The following SAMD3 variants were observed in gnomAD, a reference collection of about 807,000 sequenced individuals.
The protein encoded by SAMD3 is sterile alpha motif domain containing 3, also known as sterile alpha motif domain-containing protein 3.
Under a neutral mutation model 58.5 loss-of-function variants are expected in SAMD3, and 63 were observed. The ratio of observed to expected loss-of-function variants is 1.08; its 90% CI spans 0.88 to 1.33. The LOEUF (loss-of-function observed/expected upper bound fraction) is 1.33, where lower values mean the gene tolerates loss of function less well. SAMD3 is among the 40% of genes most tolerant of loss of function. SAMD3 has a pLI of 0.00. For synonymous variants in SAMD3, 220 were observed against 210.3 expected (o/e 1.05, Z -0.40); for missense variants, 604 against 608.4 (o/e 0.99, Z 0.08).
intron 1 of SAMD3, among the ~76,000 whole-genome samples, chr6:130,345,311 C>T (rs750702580): frequency 7.9e-5 from 12 of 152,130 alleles, no homozygotes; most frequent in Admixed American, 5.9e-4. Flanking sequence ...AGGCAAGCCT[C>T]AGAAACTCAC....
intron 2 of SAMD3, among the ~76,000 whole-genome samples, chr6:130,247,638 C>T (rs2114904404): frequency 6.6e-6 from 1 of 152,206 alleles, no homozygotes; most frequent in Non-Finnish European, 1.5e-5. Flanking sequence ...GCTCAGTGAA[C>T]TACCAAAATT....
chr6:130,257,040 A>G (rs1999683), intron 2 of SAMD3, among the ~76,000 whole-genome samples: 74,669 of 152,042 alleles, frequency 0.49, 22,245 homozygotes, highest in African/African-American at 0.84. Flanking sequence ...AACCCCCAAT[A>G]TGACTATGTC....
chr6:130,213,782 C>A (rs1795781748), intron 4 of SAMD3, among the ~76,000 whole-genome samples: 1 of 152,140 alleles, frequency 6.6e-6, no homozygotes, highest in South Asian at 2.1e-4. Context: ...AATGTTTCTA[C>A]ATAATTTTTT....
intron 2 of SAMD3, among the ~76,000 whole-genome samples, chr6:130,271,597 A>T (rs1774565320): frequency 6.6e-6 from 1 of 152,134 alleles, no homozygotes; most frequent in African/African-American, 2.4e-5. Flanking sequence ...ATGGTTTCAC[A>T]GTTTTTGTTA....
At chr6:130,221,441 TA>T (rs1279075414) in intron 1 of SAMD3, 2 of 152,464 alleles carry the variant, frequency 1.3e-5, no homozygotes, top group Non-Finnish European at 2.9e-5. Flanking sequence ...AATTTGCAAG[TA>T]ACTTTTGACT....
upstream of SAMD3, among the ~76,000 whole-genome samples, chr6:130,227,049 C>T (rs1796399800): frequency 6.6e-6 from 1 of 152,172 alleles, no homozygotes; most frequent in Non-Finnish European, 1.5e-5. Flanking sequence ...GTGCAACCAT[C>T]ACTATTATCC....
At chr6:130,318,156 C>T (rs1197846118) in intron 1 of SAMD3, among the ~76,000 whole-genome samples, 2 of 152,142 alleles carry the variant, frequency 1.3e-5, no homozygotes, top group African/African-American at 4.8e-5. Flanking sequence ...TTCTTCCCAC[C>T]AGCCAGAATG....
intron 1 of SAMD3, among the ~76,000 whole-genome samples, chr6:130,338,416 C>A (rs528690694): frequency 6.6e-6 from 1 of 152,370 alleles, no homozygotes; most frequent in African/African-American, 2.4e-5. Context: ...GTAGCCCCCA[C>A]ACAGAATCCC....
intron 1 of SAMD3, among the ~76,000 whole-genome samples, chr6:130,336,946 A>G (rs1281081804): frequency 2.0e-5 from 3 of 152,204 alleles, no homozygotes; most frequent in African/African-American, 7.2e-5. Flanking sequence ...TCAAGCCTTA[A>G]CTAGATCTTT....
intron 1 of SAMD3, among the ~76,000 whole-genome samples, chr6:130,339,663 T>C (rs1312800775): frequency 2.0e-5 from 3 of 152,362 alleles, no homozygotes; most frequent in Non-Finnish European, 4.4e-5. Flanking sequence ...GGCAGTTTTT[T>C]ATACCAGTAT....
downstream of SAMD3, chr6:130,144,258 T>C (rs929091623): frequency 3.1e-5 from 14 of 446,448 alleles, no homozygotes; most frequent in Non-Finnish European, 5.1e-5. Context: ...CTGAGGCACC[T>C]CTGAAAATAT....
intron 1 of SAMD3, among the ~76,000 whole-genome samples, chr6:130,333,470 A>G (rs1456480390): frequency 2.0e-5 from 3 of 152,198 alleles, no homozygotes; most frequent in Admixed American, 6.5e-5. Flanking sequence ...CTAGTGGTTC[A>G]GCACATCATA....
rs57003467 is a variant in SAMD3, at chr6:130,346,457, C to A, written c.-304+18663G>T. On this transcript the variant is annotated intron_variant, in intron 1 of 13. Coordinates refer to the SAMD3 transcript ENST00000368134. ...CCTGGCTTGGAGGGTCCTATGCCCA[C>A]GGAGCCTCGCTCATTGCTAGCACAC... is the stretch of plus-strand genomic sequence containing the variant. Among the ~76,000 whole-genome samples the A allele has an allele frequency of 4.1e-3, 621 of 152,330 alleles. 5 individuals carry two copies. Among genetic ancestry groups the A allele is most frequent in the African/African-American group, 0.014 (577 of 41,558 alleles).
At chr6:130,365,587 G>T (rs1583162112), upstream of SAMD3, 5 of 985,310 alleles carry the variant, frequency 5.1e-6, no homozygotes, top group East Asian at 4.5e-4. Context: ...CTCCCCAGCC[G>T]CTCCGGAGAA....
intron 2 of SAMD3, among the ~76,000 whole-genome samples, chr6:130,284,983 T>C (rs370937896): frequency 6.6e-6 from 1 of 152,198 alleles, no homozygotes; most frequent in Non-Finnish European, 1.5e-5. Context: ...CATCTCTGTT[T>C]GTAATAGCAA....
At chr6:130,336,704 G>T (rs994616139) in intron 1 of SAMD3, among the ~76,000 whole-genome samples, 3 of 152,150 alleles carry the variant, frequency 2.0e-5, no homozygotes, top group African/African-American at 7.2e-5. Flanking sequence ...ATGCTAGGAG[G>T]GAAAGGTAAT....
chr6:130,214,920 C>A (rs1795900660), intron 3 of SAMD3, among the ~76,000 whole-genome samples: 1 of 152,064 alleles, frequency 6.6e-6, no homozygotes, highest in African/African-American at 2.4e-5. Context: ...AGAACAAAAG[C>A]AATATTAAAT....
At position 130,146,119 on chromosome 6, in the gene SAMD3, C is replaced by T; in HGVS notation, c.1086G>A (p.Leu362=). The T allele has an allele frequency of 6.2e-7, 1 of 1,600,224 alleles. No individual in the cohort carries two copies. Among genetic ancestry groups the T allele is most frequent in the Non-Finnish European group, 8.5e-7 (1 of 1,173,132 alleles). The change falls in exon 10 of 12, where the codon TTG becomes TTA. Residue 362 remains leucine, a synonymous_variant. Coordinates refer to ENST00000439090, the MANE Select transcript of SAMD3 (RefSeq NM_001017373.4). The part of the protein sequence containing the change: ...TDIYKKTRHI[L]ESYSENILTS... Reference sequence around the variant, plus strand: ...TCAGTATATTTTCTGAATAGGATTCCAAAATGTGCCTTGTTTTCTTATAAA... The same window carrying T: ...TCAGTATATTTTCTGAATAGGATTCTAAAATGTGCCTTGTTTTCTTATAAA...
chr6:130,225,496 TG>T (rs1182834411), upstream of SAMD3, among the ~76,000 whole-genome samples: 64 of 152,328 alleles, frequency 4.2e-4, no homozygotes, highest in African/African-American at 1.2e-3. Flanking sequence ...AAACTGTCTA[TG>T]GGACTACTGG....
Sources: gnomAD v4.1 joint callset for allele counts (sites outside exome capture counted in the v4.1 genomes callset) on GRCh38, gnomAD v4.1.1 for gene constraint, MANE v1.5 for transcripts, NCBI Gene and HGNC (gene_info 2026-07-23, HGNC 2026-07-21) for gene names.